The following HNF4G variants were observed in gnomAD, a reference collection of about 807,000 sequenced individuals.
The protein encoded by HNF4G is hepatocyte nuclear factor 4 gamma.
Under a neutral mutation model 50.9 loss-of-function variants are expected in HNF4G, and 21 were observed. The observed-to-expected ratio is 0.41, with a 90% CI of 0.29 to 0.59. HNF4G has a LOEUF of 0.59. Among genes scored for constraint, HNF4G ranks in the 20% least tolerant of loss-of-function variants. The pLI is 0.26. For synonymous variants in HNF4G, 198 were observed against 185.6 expected (o/e 1.07, Z -0.54); for missense variants, 527 against 559.4 (o/e 0.94, Z 0.58).
intron 1 of HNF4G, among the ~76,000 whole-genome samples, chr8:75,432,703 C>CTGGT (rs1328311437): frequency 1.2e-4 from 19 of 152,130 alleles, no homozygotes; most frequent in Non-Finnish European, 2.4e-4. Flanking sequence ...CCTTGTCCTC[C>CTGGT]TGGTATTCAT....
upstream of HNF4G, among the ~76,000 whole-genome samples, chr8:75,539,584 C>T (rs115704632): frequency 6.5e-3 from 989 of 152,208 alleles, 9 homozygotes; most frequent in African/African-American, 0.023. Flanking sequence ...TGGGATACCT[C>T]ACATTATTAT....
At chr8:75,428,288 T>C (rs1012881871) in intron 1 of HNF4G, among the ~76,000 whole-genome samples, 1 of 152,184 alleles carries the variant, frequency 6.6e-6, no homozygotes, top group African/African-American at 2.4e-5. Flanking sequence ...GTAAGTTACT[T>C]GGTGTTTCAC....
Position 75,464,532 on chromosome 8 carries a change from A to G in HNF4G, c.-143-25557A>G, listed in dbSNP as rs115817092. 3.9e-3 allele frequency among the ~76,000 whole-genome samples: 599 copies of G among 152,050 alleles called. 1 individual carries two copies. The highest frequency in any genetic ancestry group is 0.014 in the African/African-American group (563 of 41,476). On this transcript the variant is annotated intron_variant, in intron 1 of 10. Transcript: ENST00000354370. ...GAGCTCTCTATATTGTTCCTTCTTC[A>G]TTCAGAATGTGTGGCCTCTTTAATC...
chr8:75,525,920 G>T (rs1418652055), intron 2 of HNF4G, among the ~76,000 whole-genome samples: 1 of 152,042 alleles, frequency 6.6e-6, no homozygotes, highest in Non-Finnish European at 1.5e-5. Flanking sequence ...AAACAAAAAA[G>T]GGAGTTGTCA....
intron 2 of HNF4G, among the ~76,000 whole-genome samples, chr8:75,518,150 C>G (rs1354539310): frequency 2.3e-5 from 3 of 128,664 alleles, no homozygotes; most frequent in African/African-American, 8.8e-5. Context: ...CCCCCCACCC[C>G]ACAACAGTCC....
chr8:75,488,526 C>T (rs890261206), intron 1 of HNF4G, among the ~76,000 whole-genome samples: 3 of 152,068 alleles, frequency 2.0e-5, no homozygotes, highest in African/African-American at 7.2e-5. Context: ...GATCTGCCCA[C>T]CTCAGCTTCC....
In HNF4G at chr8:75,543,860, C is replaced by A; in HGVS notation, c.168C>A (p.Asn56Lys). The change falls in exon 2 of 10, where the codon AAC becomes AAA. Residue 56 changes from asparagine to lysine, a missense_variant. Transcript: ENST00000396423. ...TGAATACCACAGACAACGGTGTCAACTGTCTGTGTGCTATCTGTGGGGACA... is the reference window on the plus strand; with the variant it reads ...TGAATACCACAGACAACGGTGTCAAATGTCTGTGTGCTATCTGTGGGGACA... Reference protein sequence around the residue: ...TSMNTTDNGVNCLCAICGDRA... With the variant: ...TSMNTTDNGVKCLCAICGDRA... 1.9e-6 allele frequency: 3 copies of A among 1,613,516 alleles called. No homozygotes were observed. Among genetic ancestry groups the A allele is most frequent in the Non-Finnish European group, 2.5e-6 (3 of 1,179,538 alleles).
intron 1 of HNF4G, among the ~76,000 whole-genome samples, chr8:75,485,483 G>A (rs1048116440): frequency 6.6e-6 from 1 of 151,724 alleles, no homozygotes; most frequent in African/African-American, 2.4e-5. Flanking sequence ...AGAATAAGTA[G>A]CTACATTAAG....
intron 2 of HNF4G, among the ~76,000 whole-genome samples, chr8:75,502,006 C>T (rs1812940827): frequency 6.6e-6 from 1 of 152,034 alleles, no homozygotes; most frequent in African/African-American, 2.4e-5. Flanking sequence ...GCGTGCACCA[C>T]CACGCCCAGC....
intron 2 of HNF4G, among the ~76,000 whole-genome samples, chr8:75,513,093 A>C (rs1190752024): frequency 1.3e-5 from 2 of 152,138 alleles, no homozygotes; most frequent in Admixed American, 1.3e-4. Flanking sequence ...GCTGGAATGC[A>C]ATGGTGTGAT....
chr8:75,448,890 A>C (rs964365903), intron 1 of HNF4G, among the ~76,000 whole-genome samples: 8 of 152,218 alleles, frequency 5.3e-5, no homozygotes, highest in Admixed American at 4.6e-4. Context: ...TCTATATTAC[A>C]AATGTAGATT....
At chr8:75,526,497 A>C (rs1328276138) in intron 2 of HNF4G, among the ~76,000 whole-genome samples, 1 of 152,002 alleles carries the variant, frequency 6.6e-6, no homozygotes, top group Non-Finnish European at 1.5e-5. Flanking sequence ...TCTCATGCTG[A>C]AAGTAAGTCT....
chr8:75,486,042 G>A (rs1812489977), intron 1 of HNF4G, among the ~76,000 whole-genome samples: 1 of 152,176 alleles, frequency 6.6e-6, no homozygotes, highest in South Asian at 2.1e-4. Flanking sequence ...AGCATCAGAT[G>A]TGAGCCCTGA....
At chr8:75,460,949 T>A (rs1811824625) in intron 1 of HNF4G, among the ~76,000 whole-genome samples, 2 of 152,308 alleles carry the variant, frequency 1.3e-5, no homozygotes, top group Non-Finnish European at 2.9e-5. Flanking sequence ...TTAATGATAA[T>A]ATCGACCCTT....
chr8:75,469,091 A>G lies in HNF4G; in HGVS notation c.-143-20998A>G, dbSNP rs990797377. On this transcript the variant is annotated intron_variant, in intron 1 of 10. Transcript: ENST00000354370. ...GGCTTTTCTGAATGAGTTAAATGGC[A>G]GGCTTCTGATTTGGCTTCAGGTCTG... is the stretch of plus-strand genomic sequence containing the variant. Among the ~76,000 whole-genome samples the G allele has an allele frequency of 3.2e-4, 48 of 152,192 alleles. 1 individual carries two copies. Among genetic ancestry groups the G allele is most frequent in the Non-Finnish European group, 1.5e-5 (1 of 68,030 alleles).
At position 75,443,761 on chromosome 8, in the gene HNF4G, T is replaced by G. The variant is rs528614295; in HGVS notation, c.-144+35599T>G. ...TGTACATTCTTCTATGTCAATCTTTTTTGTAGTTGTAATAAATCAGTAAGT... is the reference window on the plus strand; with the variant it reads ...TGTACATTCTTCTATGTCAATCTTTGTTGTAGTTGTAATAAATCAGTAAGT... On this transcript the variant is annotated intron_variant, in intron 1 of 10. Coordinates refer to the HNF4G transcript ENST00000354370. 6.6e-5 allele frequency among the ~76,000 whole-genome samples: 10 copies of G among 152,286 alleles called. No homozygotes were observed. The South Asian group carries it at 2.1e-3, about 32-fold the overall frequency.
chr8:75,507,540 T>A (rs757799018), intron 2 of HNF4G, among the ~76,000 whole-genome samples: 3 of 152,246 alleles, frequency 2.0e-5, no homozygotes, highest in Non-Finnish European at 4.4e-5. Context: ...ATTACAGGCG[T>A]GAGCCACTGT....
intron 1 of HNF4G, among the ~76,000 whole-genome samples, chr8:75,429,622 T>C (rs896236297): frequency 2.0e-5 from 3 of 152,190 alleles, no homozygotes; most frequent in South Asian, 2.1e-4. Flanking sequence ...GTAAGCCTTG[T>C]TCCAGGATTA....
At chr8:75,511,579 G>A (rs1436219524) in intron 2 of HNF4G, among the ~76,000 whole-genome samples, 2 of 152,108 alleles carry the variant, frequency 1.3e-5, no homozygotes, top group African/African-American at 2.4e-5. Context: ...TGTATTTAGC[G>A]TGACTTTATT....
Sources: gnomAD v4.1 joint callset for allele counts (sites outside exome capture counted in the v4.1 genomes callset) on GRCh38, gnomAD v4.1.1 for gene constraint, MANE v1.5 for transcripts, NCBI Gene and HGNC (gene_info 2026-07-23, HGNC 2026-07-21) for gene names.